TNIP1: variants seen among roughly 807,000 people sequenced by gnomAD.
TNIP1 encodes the protein TNFAIP3 interacting protein 1.
TNIP1 carries 22 observed loss-of-function variants against 86.6 expected under a neutral mutation model. The ratio of observed to expected loss-of-function variants is 0.25; its 90% CI spans 0.18 to 0.36. The LOEUF is 0.36. TNIP1 is among the 10% of genes least tolerant of loss of function. The probability of loss-of-function intolerance (pLI) is 1.00; values close to 1 mark genes in which losing one functional copy is unlikely to be tolerated. For synonymous variants in TNIP1, 294 were observed against 313.0 expected (o/e 0.94, Z 0.64); for missense variants, 709 against 820.6 (o/e 0.86, Z 1.66).
intron 6 of TNIP1, among the ~76,000 whole-genome samples, chr5:151,053,590 G>T (rs555434478): frequency 6.6e-6 from 1 of 152,302 alleles, no homozygotes; most frequent in East Asian, 1.9e-4. Flanking sequence ...CTCACAGGCT[G>T]GGGGGAAGGG....
intron 1 of TNIP1, among the ~76,000 whole-genome samples, chr5:151,068,172 C>G (rs1359530548): frequency 6.6e-6 from 1 of 152,156 alleles, no homozygotes; most frequent in African/African-American, 2.4e-5. Context: ...CTCTGGAGAT[C>G]AGAGGAGCCA....
intron 1 of TNIP1, among the ~76,000 whole-genome samples, chr5:151,066,197 A>G (rs1027875799): frequency 9.9e-5 from 15 of 152,238 alleles, no homozygotes; most frequent in Non-Finnish European, 2.1e-4. Flanking sequence ...AAAAGGCCCC[A>G]AGCATAAGGA....
At chr5:151,067,732 C>A (rs1762397264) in intron 1 of TNIP1, among the ~76,000 whole-genome samples, 1 of 152,164 alleles carries the variant, frequency 6.6e-6, no homozygotes, top group Non-Finnish European at 1.5e-5. Flanking sequence ...CTCGGTAAAC[C>A]TTGAATTCAG....
chr5:151,066,206 G>A (rs1218605385), intron 1 of TNIP1, among the ~76,000 whole-genome samples: 1 of 152,176 alleles, frequency 6.6e-6, no homozygotes, highest in African/African-American at 2.4e-5. Context: ...CAAGCATAAG[G>A]AGCTATTTTA....
intron 8 of TNIP1, chr5:151,046,202 A>C: frequency 2.0e-6 from 1 of 499,654 alleles, no homozygotes. Context: ...TCCCCTCCCT[A>C]CGGTCATTCT....
intron 1 of TNIP1, among the ~76,000 whole-genome samples, chr5:151,066,779 G>A (rs1170024820): frequency 6.6e-6 from 1 of 152,158 alleles, no homozygotes; most frequent in Non-Finnish European, 1.5e-5. Context: ...GAGCCAAGAT[G>A]CAAAGTCAGC....
chr5:151,049,088 C>T (rs866753226), intron 8 of TNIP1, among the ~76,000 whole-genome samples: 13 of 152,140 alleles, frequency 8.5e-5, no homozygotes, highest in African/African-American at 2.7e-4. Flanking sequence ...TAAGCCATTA[C>T]GGTAATTGCT....
At chr5:151,033,553 G>A in intron 16 of TNIP1, 55 bp downstream of exon 16, 1 of 1,185,966 alleles carries the variant, frequency 8.4e-7, no homozygotes, top group South Asian at 1.6e-5. Flanking sequence ...TCTCTGGAAG[G>A]TGTCTGGGGC....
At position 151,045,856 on chromosome 5, in the gene TNIP1, C is replaced by T; in HGVS notation, c.936+5G>A. On this transcript the variant is annotated splice_donor_5th_base_variant and intron_variant, in intron 9 of 17. Coordinates refer to ENST00000521591, the MANE Select transcript of TNIP1 (RefSeq NM_006058.5). ...CCTCCCACTACTGCCACCTCGGCCA[C>T]CTACCTCACTGCGCTGCTGCTCCAG... 1.2e-6 allele frequency: 2 copies of T among 1,613,860 alleles called. No individual in the cohort carries two copies. The highest frequency in any genetic ancestry group is 1.7e-6 in the Non-Finnish European group (2 of 1,180,008).
At chr5:151,066,497 C>T (rs1368868937) in intron 1 of TNIP1, among the ~76,000 whole-genome samples, 2 of 152,192 alleles carry the variant, frequency 1.3e-5, no homozygotes, top group South Asian at 2.1e-4. Context: ...CACCATGCTC[C>T]GTGGGTCCTT....
At chr5:151,074,493 C>CT (rs1763159279) in intron 1 of TNIP1, among the ~76,000 whole-genome samples, 2 of 152,170 alleles carry the variant, frequency 1.3e-5, no homozygotes, top group Non-Finnish European at 2.9e-5. Context: ...GCCTCACTTT[C>CT]CTTGTTTCTC....
At chr5:151,081,169 T>TGCCTGCGGTTCCGGGG (rs1179095134), upstream of TNIP1, 3 of 152,058 alleles carry the variant, frequency 2.0e-5, no homozygotes, top group Non-Finnish European at 2.9e-5. Flanking sequence ...AAACACCGGC[T>TGCCTGCGGTTCCGGGG]GCCTGCGGTT....
At chr5:151,033,477 C>A in intron 16 of TNIP1, 131 bp downstream of exon 16, 1 of 596,478 alleles carries the variant, frequency 1.7e-6, no homozygotes, top group Non-Finnish European at 2.8e-6. Context: ...CCTGGACACC[C>A]ACCTGCCACC....
At chr5:151,039,012 A>C in intron 12 of TNIP1, 85 bp downstream of exon 12, 1 of 1,527,780 alleles carries the variant, frequency 6.5e-7, no homozygotes, top group East Asian at 2.3e-5. Flanking sequence ...TCCTAAGCTG[A>C]ATGGTTGGGG....
chr5:151,059,443 C>T (rs939454330), intron 5 of TNIP1, among the ~76,000 whole-genome samples: 2 of 152,192 alleles, frequency 1.3e-5, no homozygotes, highest in Non-Finnish European at 2.9e-5. Flanking sequence ...TGGGCACTGA[C>T]AGGTACATGG....
rs1479114705 is a variant in TNIP1 at position 151,050,000 on chromosome 5, C to G, written c.723-53G>C. The G allele has an allele frequency of 1.9e-6, 3 of 1,610,438 alleles. No individual in the cohort carries two copies. In the African/African-American group the frequency reaches 4.0e-5, roughly 22 times the overall value. Reference sequence around the variant, plus strand: ...CAATGCTGACCCTGAGTTAAGAAACCTACAGGGCTCCTTAATGCTCACTAT... The same window carrying G: ...CAATGCTGACCCTGAGTTAAGAAACGTACAGGGCTCCTTAATGCTCACTAT... On this transcript the variant is annotated intron_variant, in intron 7 of 17. Coordinates refer to ENST00000521591, the MANE Select transcript of TNIP1 (RefSeq NM_006058.5).
At chr5:151,040,637 C>T (rs747287399) in intron 11 of TNIP1, among the ~76,000 whole-genome samples, 5 of 152,098 alleles carry the variant, frequency 3.3e-5, no homozygotes, top group Admixed American at 6.5e-5. Context: ...TGTCTGGCTG[C>T]GAGTCACCAG....
chr5:151,050,860 G>A (rs7713028), intron 7 of TNIP1, among the ~76,000 whole-genome samples: 8,890 of 152,014 alleles, frequency 0.058, 304 homozygotes, highest in African/African-American at 0.079. Flanking sequence ...TTGGGGCTGG[G>A]GGAGGGGTGG....
At chr5:151,039,384 G>A (rs1446133300) in intron 11 of TNIP1, among the ~76,000 whole-genome samples, 159 bp from the exon 12 acceptor site, 1 of 152,004 alleles carries the variant, frequency 6.6e-6, no homozygotes, top group Non-Finnish European at 1.5e-5. Flanking sequence ...ATGTCCATCC[G>A]GTCCTGCCCT....
Sources: gnomAD v4.1 joint callset for allele counts (sites outside exome capture counted in the v4.1 genomes callset) on GRCh38, gnomAD v4.1.1 for gene constraint, MANE v1.5 for transcripts, NCBI Gene and HGNC (gene_info 2026-07-23, HGNC 2026-07-21) for gene names.